CREB1: variants seen among roughly 807,000 people sequenced by gnomAD.
CREB1 encodes the protein cAMP responsive element binding protein 1.
In CREB1, 2 loss-of-function variants were observed where a neutral mutation model predicts 42.0. The ratio of observed to expected loss-of-function variants is 0.05; its 90% CI spans 0.02 to 0.15. CREB1 has a LOEUF of 0.15. Ranked by LOEUF, CREB1 falls within the 10% of genes least tolerant of loss-of-function variation. CREB1 has a pLI of 1.00. For missense variants in CREB1, 199 were observed against 388.9 expected (o/e 0.51, Z 4.11); for synonymous variants, 123 against 139.9 (o/e 0.88, Z 0.85).
Position 207,602,459 on chromosome 2 carries a change from A to G in CREB1, c.*5401A>G, listed in dbSNP as rs2087240261. The G allele has an allele frequency of 4.9e-6, 1 of 202,126 alleles. No homozygotes were observed. Among genetic ancestry groups the G allele is most frequent in the Non-Finnish European group, 1.0e-5 (1 of 98,440 alleles). The allele number at this position is 202,126 out of a possible 1,614,324, so 12.5% of individuals were successfully genotyped here. ...GAATTGTCTTTGAAAAGGATCAAAG[A>G]GTAGGAAATTCACATTTGACCTAAC... On this transcript the variant is annotated 3_prime_UTR_variant, in exon 8 of 8. Coordinates refer to ENST00000353267, the MANE Select transcript of CREB1 (RefSeq NM_004379.5).
intron 7 of CREB1, among the ~76,000 whole-genome samples, chr2:207,587,806 AGGGAGCATG>A (rs941097646): frequency 3.3e-5 from 5 of 152,306 alleles, no homozygotes; most frequent in African/African-American, 1.2e-4. Context: ...AAGGTGAGAT[AGGGAGCATG>A]GGGAGAGGTT....
intron 1 of CREB1, among the ~76,000 whole-genome samples, chr2:207,544,897 G>T (rs2081239040): frequency 6.6e-6 from 1 of 152,212 alleles, no homozygotes; most frequent in Non-Finnish European, 1.5e-5. Flanking sequence ...CAAAGGACAT[G>T]ATCTTGTTCT....
intron 1 of CREB1, 41 bp downstream of exon 1, chr2:207,530,175 CG>C: frequency 2.0e-5 from 3 of 152,592 alleles, no homozygotes; most frequent in Non-Finnish European, 2.9e-5. Flanking sequence ...CAGAGAGAGC[CG>C]GGGGGACGGA....
chr2:207,595,159 C>T (rs531962275), intron 7 of CREB1, among the ~76,000 whole-genome samples: 101 of 151,722 alleles, frequency 6.7e-4, no homozygotes, highest in Non-Finnish European at 1.3e-3. Context: ...CCATACCTGG[C>T]TAATTTTTGT....
chr2:207,546,728 C>CAAA (rs11397523), intron 1 of CREB1, among the ~76,000 whole-genome samples: 2 of 147,194 alleles, frequency 1.4e-5, no homozygotes, highest in Non-Finnish European at 1.5e-5. Context: ...GACCCTATAT[C>CAAA]AAAAAAAAAA....
intron 1 of CREB1, among the ~76,000 whole-genome samples, chr2:207,554,471 A>G (rs1473781483): frequency 6.6e-6 from 1 of 152,182 alleles, no homozygotes; most frequent in Admixed American, 6.5e-5. Context: ...ACTATTAACA[A>G]ATTTGTTTTG....
chr2:207,572,813 CAAA>C (rs1232230431), intron 5 of CREB1, among the ~76,000 whole-genome samples: 2 of 117,510 alleles, frequency 1.7e-5, no homozygotes, highest in Admixed American at 8.9e-5. Context: ...GACTCCATCT[CAAA>C]AAAAAAAAAA....
At chr2:207,582,288 C>G in intron 7 of CREB1, 1 of 630,916 alleles carries the variant, frequency 1.6e-6, no homozygotes, top group Non-Finnish European at 2.8e-6. Flanking sequence ...TTTTGCCCAC[C>G]AGTTTTAGAA....
chr2:207,575,939 C>CG (rs1553503352), intron 6 of CREB1, among the ~76,000 whole-genome samples: 2 of 48,834 alleles, frequency 4.1e-5, no homozygotes, highest in Admixed American at 2.0e-4. Context: ...CTGCTTCCCC[C>CG]CCCCCCCCCA....
intron 4 of CREB1, among the ~76,000 whole-genome samples, chr2:207,569,040 T>C (rs890386709): frequency 2.0e-5 from 3 of 152,236 alleles, no homozygotes; most frequent in African/African-American, 7.2e-5. Context: ...GATACATGTC[T>C]GTTTTCATAT....
chr2:207,575,163 T>C (rs2082526993), intron 5 of CREB1, 109 bp from the exon 6 acceptor site: 1 of 1,136,202 alleles, frequency 8.8e-7, no homozygotes, highest in African/African-American at 1.5e-5. Flanking sequence ...TGATGTTATT[T>C]GCTGTAACTT....
chr2:207,599,477 GATAA>G lies in CREB1; in HGVS notation c.*2422_*2425del, dbSNP rs2086692324. On this transcript the variant is annotated 3_prime_UTR_variant, in exon 8 of 8. Coordinates refer to ENST00000353267, the MANE Select transcript of CREB1 (RefSeq NM_004379.5). ...GAAGTTGGTGGTCCTCTTAGTCCCTGATAAATCAAGGCAATCACATTCATGTGAG... is the reference window on the plus strand; with the variant it reads ...GAAGTTGGTGGTCCTCTTAGTCCCTGATCAAGGCAATCACATTCATGTGAG... The G allele has an allele frequency of 5.1e-6, 1 of 195,984 alleles. No individual in the cohort carries two copies. The highest frequency in any genetic ancestry group is 2.3e-5 in the African/African-American group (1 of 43,292). The allele number at this position is 195,984 out of a possible 1,614,324, so 12.1% of individuals were successfully genotyped here. A position where few individuals can be genotyped will look rare whatever the true frequency, so the allele number is the denominator to read the frequency against.
chr2:207,579,492 C>T (rs2082750499), intron 7 of CREB1, among the ~76,000 whole-genome samples: 1 of 152,100 alleles, frequency 6.6e-6, no homozygotes, highest in South Asian at 2.1e-4. Context: ...GACCAAATTT[C>T]CTTTTTGTTC....
In CREB1 at chr2:207,567,577, T is replaced by C. The variant is rs1397479716; in HGVS notation, c.362+14T>C. 2.5e-6 allele frequency: 4 copies of C among 1,569,290 alleles called. No individual in the cohort carries two copies. The highest frequency in any genetic ancestry group is 1.7e-4 in the Middle Eastern group (1 of 6,000). ...GCCTTCCTACAGGTATGGAATTTAATAGTTAGAATCAAAGATGTGGAGGAA... is the reference window on the plus strand; with the variant it reads ...GCCTTCCTACAGGTATGGAATTTAACAGTTAGAATCAAAGATGTGGAGGAA... On this transcript the variant is annotated intron_variant, in intron 4 of 7. Coordinates refer to ENST00000353267, the MANE Select transcript of CREB1 (RefSeq NM_004379.5).
chr2:207,593,426 A>T (rs2085464332), intron 7 of CREB1, among the ~76,000 whole-genome samples: 1 of 152,116 alleles, frequency 6.6e-6, no homozygotes, highest in Non-Finnish European at 1.5e-5. Context: ...GCTGCTGGGG[A>T]GGTTGAGGCA....
chr2:207,569,841 C>T (rs1043047855), intron 4 of CREB1, among the ~76,000 whole-genome samples: 2 of 151,728 alleles, frequency 1.3e-5, no homozygotes, highest in Non-Finnish European at 2.9e-5. Flanking sequence ...GTCAGGAGTT[C>T]GAGACCATCC....
intron 2 of CREB1, among the ~76,000 whole-genome samples, chr2:207,557,066 A>G (rs1213366769): frequency 1.3e-5 from 2 of 152,082 alleles, no homozygotes; most frequent in Admixed American, 6.6e-5. Flanking sequence ...TAAGTCCGGG[A>G]GGCAGAGGTT....
chr2:207,564,702 C>T (rs1410865640), intron 3 of CREB1, among the ~76,000 whole-genome samples: 1 of 152,026 alleles, frequency 6.6e-6, no homozygotes, highest in Non-Finnish European at 1.5e-5. Context: ...GGGTCCTCCA[C>T]CTTTCCAATA....
At chr2:207,552,336 CA>C (rs1374059973) in intron 1 of CREB1, among the ~76,000 whole-genome samples, 2 of 151,838 alleles carry the variant, frequency 1.3e-5, no homozygotes, top group East Asian at 3.9e-4. Flanking sequence ...CCTTAAATGT[CA>C]AAAAAGATTA....
Sources: allele counts gnomAD v4.1 joint callset (sites outside exome capture counted in the v4.1 genomes callset), GRCh38; gene constraint gnomAD v4.1.1; transcripts MANE v1.5; gene names NCBI Gene and HGNC (gene_info 2026-07-23, HGNC 2026-07-21).